CAMTA1: variants seen among roughly 807,000 people sequenced by gnomAD.
CAMTA1 encodes the protein calmodulin binding transcription activator 1.
In CAMTA1, 27 loss-of-function variants were observed where a neutral mutation model predicts 170.9. The ratio of observed to expected loss-of-function variants is 0.16; its 90% CI spans 0.12 to 0.22. CAMTA1 has a LOEUF of 0.22. Ranked by LOEUF, CAMTA1 falls within the 10% of genes least tolerant of loss-of-function variation. The pLI, the probability that CAMTA1 is intolerant of heterozygous loss-of-function variation, is 1.00. For missense variants in CAMTA1, 1,619 were observed against 2,217.2 expected, an observed-to-expected ratio of 0.73 and a Z score of 5.42; for synonymous variants, 833 against 891.5, an observed-to-expected ratio of 0.93 and a Z score of 1.17.
rs2096871007 is a variant in CAMTA1, at chr1:7,748,212, A to G, written c.4689+431A>G. 1.3e-5 allele frequency among the ~76,000 whole-genome samples: 2 copies of G among 151,822 alleles called. No individual in the cohort carries two copies. Among genetic ancestry groups the G allele is most frequent in the South Asian group, 4.2e-4 (2 of 4,804 alleles). On this transcript the variant is annotated intron_variant, in intron 19 of 22. Transcript: ENST00000303635. The surrounding 1 kb of genome is among the most constrained non-coding windows in gnomAD (Gnocchi z 4.7). ...CAAGCATGAGCCGCAGCGCCCGGCC[A>G]GAGACTTAATTTGAACTGCCATGAT...
intron 6 of CAMTA1, among the ~76,000 whole-genome samples, chr1:7,503,866 G>A (rs897725130): frequency 2.0e-5 from 3 of 152,178 alleles, no homozygotes; most frequent in Non-Finnish European, 4.4e-5. Context: ...GGCCGGCTCT[G>A]AGCCACCTCC....
intron 2 of CAMTA1, among the ~76,000 whole-genome samples, chr1:6,822,815 CACACACACACAA>C (rs1465801873): frequency 2.0e-5 from 3 of 151,476 alleles, no homozygotes; most frequent in Non-Finnish European, 2.9e-5. Context: ...CACACACACA[CACACACACACAA>C]ACACACACAC....
Position 6,932,061 on chromosome 1 carries a change from T to C in CAMTA1, c.234+106851T>C, listed in dbSNP as rs186821536. On this transcript the variant is annotated intron_variant, in intron 3 of 22. Transcript: ENST00000303635. ...TGAGGCATAATTGACATATAATAAA[T>C]TACACATATTTAAAATGTACAACTC... Among the ~76,000 whole-genome samples the C allele has an allele frequency of 5.3e-4, 80 of 152,322 alleles. 2 individuals carry two copies. The highest frequency in any genetic ancestry group is 7.8e-4 in the Non-Finnish European group (53 of 68,032).
At chr1:7,105,111 G>A (rs1465517615) in intron 4 of CAMTA1, among the ~76,000 whole-genome samples, 1 of 152,114 alleles carries the variant, frequency 6.6e-6, no homozygotes, top group African/African-American at 2.4e-5. Flanking sequence ...TATGAGTTTT[G>A]CAGTTTATTA....
intron 4 of CAMTA1, among the ~76,000 whole-genome samples, chr1:7,098,841 G>T (rs983398477): frequency 8.5e-5 from 13 of 152,086 alleles, no homozygotes; most frequent in Admixed American, 8.5e-4. Flanking sequence ...GCCACCTGTT[G>T]AAATGGCAGC....
At chr1:7,576,244 A>G (rs182134284) in intron 6 of CAMTA1, among the ~76,000 whole-genome samples, 6 of 152,272 alleles carry the variant, frequency 3.9e-5, no homozygotes, top group African/African-American at 1.4e-4. Context: ...TCCTGACCTC[A>G]GGTGATCCAT....
intron 3 of CAMTA1, chr1:6,871,726 T>C (rs1217513158): frequency 1.8e-5 from 27 of 1,524,884 alleles, no homozygotes; most frequent in Non-Finnish European, 2.4e-5. Flanking sequence ...GAGATACTAG[T>C]TTTACTTACT....
At chr1:7,199,054 TC>T (rs1002975534) in intron 4 of CAMTA1, among the ~76,000 whole-genome samples, 128 of 152,178 alleles carry the variant, frequency 8.4e-4, no homozygotes, top group African/African-American at 3.0e-3. Flanking sequence ...GTTTGTCTTT[TC>T]CCCCCCACTT....
chr1:7,765,274 G>T (rs2097011543), intron 22 of CAMTA1, among the ~76,000 whole-genome samples: 1 of 152,152 alleles, frequency 6.6e-6, no homozygotes, highest in South Asian at 2.1e-4. Flanking sequence ...GTTCGTAATT[G>T]TCAGTGTAGA....
At chr1:7,487,802 G>A (rs535392008) in intron 6 of CAMTA1, among the ~76,000 whole-genome samples, 1 of 152,320 alleles carries the variant, frequency 6.6e-6, no homozygotes, top group Non-Finnish European at 1.5e-5. Context: ...CCAGGCCCTT[G>A]TCTGTCCTTC....
chr1:7,172,868 T>C (rs1294250137), intron 4 of CAMTA1, among the ~76,000 whole-genome samples: 1 of 151,896 alleles, frequency 6.6e-6, no homozygotes. Flanking sequence ...TCATGGTGGG[T>C]CTTTGCAGAC....
chr1:7,721,635 A>C (rs1339890045), intron 11 of CAMTA1, among the ~76,000 whole-genome samples: 2 of 152,156 alleles, frequency 1.3e-5, no homozygotes, highest in Non-Finnish European at 2.9e-5. Context: ...GTAGCCTGGG[A>C]TGGTTGGTAA....
At chr1:6,909,865 T>G (rs1679336168) in intron 3 of CAMTA1, among the ~76,000 whole-genome samples, 2 of 152,222 alleles carry the variant, frequency 1.3e-5, no homozygotes, top group South Asian at 4.1e-4. Flanking sequence ...TAGTGGTGAC[T>G]TTTGGCTTTG....
intron 3 of CAMTA1, among the ~76,000 whole-genome samples, chr1:6,976,052 G>A (rs889174683): frequency 8.5e-5 from 13 of 152,142 alleles, no homozygotes; most frequent in African/African-American, 3.1e-4. Context: ...ATGCTCACTC[G>A]AGCCAGGCAC....
At chr1:6,875,767 A>G (rs1257410591) in intron 3 of CAMTA1, among the ~76,000 whole-genome samples, 1 of 152,232 alleles carries the variant, frequency 6.6e-6, no homozygotes, top group Admixed American at 6.5e-5. Flanking sequence ...AGCTTTTAAA[A>G]TAATTCACTT....
At chr1:6,950,963 T>G (rs970812575) in intron 3 of CAMTA1, among the ~76,000 whole-genome samples, 4 of 152,194 alleles carry the variant, frequency 2.6e-5, no homozygotes, top group Non-Finnish European at 5.9e-5. Context: ...CTGTTGCTGC[T>G]CATGGAGACC....
At chr1:7,620,087 C>T (rs2095587237) in intron 6 of CAMTA1, among the ~76,000 whole-genome samples, 1 of 152,190 alleles carries the variant, frequency 6.6e-6, no homozygotes. Flanking sequence ...GACAGGCTCA[C>T]TCTTCTCCAT....
At chr1:7,123,346 C>T (rs1282119851) in intron 4 of CAMTA1, among the ~76,000 whole-genome samples, 2 of 152,132 alleles carry the variant, frequency 1.3e-5, no homozygotes, top group Non-Finnish European at 2.9e-5. Flanking sequence ...TCTCCCTCTC[C>T]ATAAGGATGC....
chr1:7,257,044 C>G (rs901056729), intron 5 of CAMTA1, among the ~76,000 whole-genome samples: 1 of 145,952 alleles, frequency 6.9e-6, no homozygotes, highest in Non-Finnish European at 1.5e-5. Flanking sequence ...GATCACCTCC[C>G]CAAAGCCCCA....
Sources: allele counts gnomAD v4.1 joint callset (sites outside exome capture counted in the v4.1 genomes callset), GRCh38; gene constraint gnomAD v4.1.1; non-coding constraint Gnocchi (gnomAD v3.1); transcripts MANE v1.5; gene names NCBI Gene and HGNC (gene_info 2026-07-23, HGNC 2026-07-21).